Variants in REDIC1 observed in about 807,000 individuals in gnomAD.
REDIC1 encodes the protein HEI10 Interacting Protein 1.
the REDIC1 span, chr12:39,646,219 A>G: frequency 7.1e-5 from 24 of 339,284 alleles, no homozygotes; most frequent in African/African-American, 5.0e-4. Flanking sequence ...TAAATGTTTT[A>G]GTAAAATTTC....
chr12:39,732,239 A>G, the REDIC1 span, among the ~76,000 whole-genome samples: 1 of 152,162 alleles, frequency 6.6e-6, no homozygotes, highest in African/African-American at 2.4e-5. Flanking sequence ...AACCTGTTCC[A>G]TTTGACATAT....
the REDIC1 span, among the ~76,000 whole-genome samples, chr12:39,701,930 A>T: frequency 6.6e-4 from 100 of 152,312 alleles, 1 homozygote; most frequent in African/African-American, 2.2e-3. Context: ...TCTGGGACAC[A>T]TTTAAAGCAG....
chr12:39,885,403 T>G, the REDIC1 span, among the ~76,000 whole-genome samples: 1 of 152,086 alleles, frequency 6.6e-6, no homozygotes, highest in East Asian at 1.9e-4. Context: ...ATCTAACATG[T>G]AAGAAGTACA....
chr12:39,843,514 C>T, the REDIC1 span, among the ~76,000 whole-genome samples: 1 of 152,078 alleles, frequency 6.6e-6, no homozygotes, highest in South Asian at 2.1e-4. Flanking sequence ...CCAATATCTA[C>T]TTGCCCTCCA....
At chr12:39,696,464 A>C in the REDIC1 span, among the ~76,000 whole-genome samples, 3 of 135,668 alleles carry the variant, frequency 2.2e-5, no homozygotes, top group East Asian at 2.4e-4. Context: ...AATGGCGTGA[A>C]CCCGGGAGGC....
the REDIC1 span, among the ~76,000 whole-genome samples, chr12:39,884,979 C>G: frequency 6.6e-6 from 1 of 152,194 alleles, no homozygotes; most frequent in Non-Finnish European, 1.5e-5. Flanking sequence ...ATTCAGGTGC[C>G]TGACTAGAAA....
At chr12:39,657,465 TA>T in the REDIC1 span, among the ~76,000 whole-genome samples, 1 of 152,262 alleles carries the variant, frequency 6.6e-6, no homozygotes, top group Admixed American at 6.5e-5. Context: ...TTGTAATTTC[TA>T]ACTTAAATCA....
chr12:39,704,814 T>C, the REDIC1 span, among the ~76,000 whole-genome samples: 1 of 151,776 alleles, frequency 6.6e-6, no homozygotes, highest in African/African-American at 2.4e-5. Context: ...CAGTAAACTA[T>C]CCCAAGAACA....
the REDIC1 span, among the ~76,000 whole-genome samples, chr12:39,902,021 G>T: frequency 6.6e-6 from 1 of 151,974 alleles, no homozygotes; most frequent in African/African-American, 2.4e-5. Flanking sequence ...CAGAAAAAAG[G>T]ATGAGTTCAT....
At chr12:39,906,552 A>C in the REDIC1 span, among the ~76,000 whole-genome samples, 1 of 152,090 alleles carries the variant, frequency 6.6e-6, no homozygotes, top group South Asian at 2.1e-4. Context: ...TTTAACTTGA[A>C]AGAAACCATT....
At chr12:39,754,120 G>A in the REDIC1 span, 2 of 152,148 alleles carry the variant, frequency 1.3e-5, no homozygotes, top group Non-Finnish European at 1.5e-5. Flanking sequence ...GGAGGACATA[G>A]AGGGGAAGAC....
the REDIC1 span, among the ~76,000 whole-genome samples, chr12:39,855,448 C>T: frequency 6.6e-6 from 1 of 152,140 alleles, no homozygotes; most frequent in Non-Finnish European, 1.5e-5. Context: ...TCTGTCATGG[C>T]CCTGGGGAAA....
At chr12:39,720,904 G>A in the REDIC1 span, 1 of 1,613,534 alleles carries the variant, frequency 6.2e-7, no homozygotes, top group Non-Finnish European at 8.5e-7. Flanking sequence ...ACTTTCAGGT[G>A]ACAGGATTGT....
At chr12:39,764,931 T>G in the REDIC1 span, 1 of 1,515,134 alleles carries the variant, frequency 6.6e-7, no homozygotes, top group African/African-American at 1.4e-5. Flanking sequence ...TATGATCATA[T>G]TTATGTATTT....
chr12:39,692,210 A>G, the REDIC1 span: 1 of 1,135,160 alleles, frequency 8.8e-7, no homozygotes, highest in Non-Finnish European at 1.2e-6. Context: ...ATGTTTGCCA[A>G]CAAATATATA....
At chr12:39,708,004 G>T in the REDIC1 span, among the ~76,000 whole-genome samples, 1 of 151,686 alleles carries the variant, frequency 6.6e-6, no homozygotes, top group Non-Finnish European at 1.5e-5. Flanking sequence ...GGTTACTAGA[G>T]GCTAGGAAAG....
the REDIC1 span, among the ~76,000 whole-genome samples, chr12:39,628,774 T>G: frequency 6.6e-6 from 1 of 152,176 alleles, no homozygotes; most frequent in Non-Finnish European, 1.5e-5. Flanking sequence ...AATAGATATT[T>G]AAATAGGACT....
chr12:39,635,344 G>A, the REDIC1 span, among the ~76,000 whole-genome samples: 6 of 152,248 alleles, frequency 3.9e-5, no homozygotes, highest in Admixed American at 3.3e-4. Context: ...ACATGCACAC[G>A]TATGTTTATT....
At chr12:39,698,696 C>A in the REDIC1 span, among the ~76,000 whole-genome samples, 45 of 152,260 alleles carry the variant, frequency 3.0e-4, no homozygotes, top group Admixed American at 2.5e-3. Context: ...ATTTTGGGAA[C>A]TATACAAATA....
Sources: allele counts gnomAD v4.1 joint callset (sites outside exome capture counted in the v4.1 genomes callset), GRCh38; gene constraint gnomAD v4.1.1; transcripts MANE v1.5; gene names NCBI Gene and HGNC (gene_info 2026-07-23, HGNC 2026-07-21).